Variants in PPARD observed in about 807,000 individuals in gnomAD.
PPARD encodes peroxisome proliferator-activated receptor delta.
Under a neutral mutation model 39.5 loss-of-function variants are expected in PPARD, and 6 were observed. The ratio of observed to expected loss-of-function variants is 0.15; its 90% CI spans 0.08 to 0.30. The LOEUF (loss-of-function observed/expected upper bound fraction) is 0.30, where lower values mean the gene tolerates loss of function less well. Ranked by LOEUF, PPARD falls within the 10% of genes least tolerant of loss-of-function variation. PPARD has a pLI of 1.00. For synonymous variants in PPARD, 210 were observed against 231.3 expected (o/e 0.91, Z 0.83); for missense variants, 397 against 596.8 (o/e 0.67, Z 3.49).
At position 35,347,056 on chromosome 6, in the gene PPARD, C is replaced by T. The variant is rs201724504; in HGVS notation, c.-185-11C>T. ...TCAGCTAAAGCTGTTGGGGTTTTTTCTATCCTGCAGTGTTGTACAGTGTTT... is the reference window on the plus strand; with the variant it reads ...TCAGCTAAAGCTGTTGGGGTTTTTTTTATCCTGCAGTGTTGTACAGTGTTT... On this transcript the variant is annotated splice_polypyrimidine_tract_variant and intron_variant, in intron 1 of 7. Transcript: ENST00000360694. 1 of 1,509,048 alleles carries T rather than the reference C, an allele frequency of 6.6e-7. No individual in the cohort carries two copies. Among genetic ancestry groups the T allele is most frequent in the Non-Finnish European group, 8.9e-7 (1 of 1,128,694 alleles). 93.5% of individuals were successfully genotyped at this position (1,509,048 alleles called of 1,614,324 possible).
chr6:35,397,536 A>C (rs201544279), intron 2 of PPARD: 12 of 985,330 alleles, frequency 1.2e-5, no homozygotes, highest in African/African-American at 5.2e-5. Flanking sequence ...AAGCAGGGTC[A>C]GATACCCCTG....
chr6:35,404,603 C>T (rs1415692452), intron 2 of PPARD, among the ~76,000 whole-genome samples: 1 of 152,222 alleles, frequency 6.6e-6, no homozygotes. Flanking sequence ...ACGAGGAGTA[C>T]GAGGCACTTG....
At position 35,425,172 on chromosome 6, in the gene PPARD, G is replaced by C. The variant is rs1766487949; in HGVS notation, c.1078+393G>C. The C allele has an allele frequency of 1.2e-6, 1 of 826,184 alleles. No homozygotes were observed. Among genetic ancestry groups the C allele is most frequent in the Non-Finnish European group, 1.5e-6 (1 of 665,428 alleles). 51.2% of individuals were successfully genotyped at this position (826,184 alleles called of 1,614,324 possible). A position where few individuals can be genotyped will look rare whatever the true frequency, so the allele number is the denominator to read the frequency against. On this transcript the variant is annotated intron_variant, in intron 7 of 7. Coordinates refer to ENST00000360694, the MANE Select transcript of PPARD (RefSeq NM_006238.5). This position sits in a 1 kb window ranked among gnomAD's most constrained non-coding sequence, Gnocchi z 4.5. ...GCCTGTAATCCCAGCTACTTGGGAG[G>C]CTGAGCCAGGAGAATCGCTTGAACC... is the stretch of plus-strand genomic sequence containing the variant.
At position 35,424,041 on chromosome 6, in the gene PPARD, G is replaced by A. The variant is rs1160583416; in HGVS notation, c.520G>A (p.Asp174Asn). 7 of 1,614,066 alleles carry A rather than the reference G, an allele frequency of 4.3e-6. No individual in the cohort carries two copies. The highest frequency in any genetic ancestry group is 1.7e-5 in the Admixed American group (1 of 60,004). The change falls in exon 6 of 8, where the codon GAC becomes AAC. Residue 174 changes from aspartate to asparagine, a missense_variant. Physicochemically the swap from Asp to Asn is conservative, Grantham distance 23 (BLOSUM62 1). Transcript: ENST00000360694. This position sits in a 1 kb window ranked among gnomAD's most constrained non-coding sequence, Gnocchi z 7.1. ...GAGCCAGTACAACCCACAGGTGGCCGACCTGAAGGCCTTCTCCAAGCACAT... is the reference window on the plus strand; with the variant it reads ...GAGCCAGTACAACCCACAGGTGGCCAACCTGAAGGCCTTCTCCAAGCACAT... The part of the protein sequence containing the change: ...EGSQYNPQVA[D>N]LKAFSKHIYN...
At chr6:35,380,294 C>T (rs977048500) in intron 2 of PPARD, among the ~76,000 whole-genome samples, 1 of 152,088 alleles carries the variant, frequency 6.6e-6, no homozygotes, top group African/African-American at 2.4e-5. Context: ...CTGCTGTCCT[C>T]ATGGTCCAAA....
intron 2 of PPARD, among the ~76,000 whole-genome samples, chr6:35,397,338 T>C (rs1237422310): frequency 6.6e-6 from 1 of 151,808 alleles, no homozygotes; most frequent in Admixed American, 6.6e-5. Flanking sequence ...AAGCCCCCCC[T>C]CCCGCAACCA....
intron 3 of PPARD, among the ~76,000 whole-genome samples, chr6:35,418,563 A>G (rs1354394157): frequency 1.3e-5 from 2 of 152,220 alleles, no homozygotes; most frequent in Non-Finnish European, 2.9e-5. Context: ...GCTTCCAACA[A>G]TGAACACACA....
intron 2 of PPARD, among the ~76,000 whole-genome samples, chr6:35,392,012 A>G (rs190261813): frequency 1.3e-5 from 2 of 152,110 alleles, no homozygotes; most frequent in Non-Finnish European, 2.9e-5. Flanking sequence ...CAAGCAGAAG[A>G]GCACCAAGCC....
At chr6:35,348,652 G>A in intron 2 of PPARD, 2 of 985,410 alleles carry the variant, frequency 2.0e-6, no homozygotes, top group South Asian at 4.7e-5. Context: ...AGGTTTTCCT[G>A]TTGTCAGACA....
At chr6:35,357,918 C>G (rs1761714329) in intron 2 of PPARD, among the ~76,000 whole-genome samples, 2 of 152,182 alleles carry the variant, frequency 1.3e-5, no homozygotes, top group Non-Finnish European at 1.5e-5. Context: ...TAATCTGACA[C>G]TTCTTTCATG....
At chr6:35,398,056 G>A (rs1488177868) in intron 2 of PPARD, among the ~76,000 whole-genome samples, 1 of 152,190 alleles carries the variant, frequency 6.6e-6, no homozygotes, top group Non-Finnish European at 1.5e-5. Context: ...CAGAAGGAGT[G>A]GAGCAGGCAG....
At chr6:35,352,590 G>A (rs932612542) in intron 2 of PPARD, among the ~76,000 whole-genome samples, 1 of 152,168 alleles carries the variant, frequency 6.6e-6, no homozygotes, top group Non-Finnish European at 1.5e-5. Flanking sequence ...TGTCTTTCAT[G>A]GTTCTGTGGA....
intron 2 of PPARD, among the ~76,000 whole-genome samples, chr6:35,384,578 C>T (rs1763454368): frequency 6.3e-5 from 6 of 95,734 alleles, no homozygotes; most frequent in Non-Finnish European, 1.0e-4. Flanking sequence ...AGGAGCCCCT[C>T]TGCCCGGCCA....
rs539098302 is a variant in PPARD at position 35,405,929 on chromosome 6, C to CT, written c.-101-5048dup. Among the ~76,000 whole-genome samples the CT allele has an allele frequency of 7.0e-4, 100 of 142,334 alleles. 1 individual carries two copies. The East Asian group carries it at 9.0e-3, about 13-fold the overall frequency. 93.4% of individuals were successfully genotyped at this position (142,334 alleles called of 152,430 possible). ...ACAGGCATGAACCACCGCACCTGGA[C>CT]TTTTTTTTTTGTTTTTGAGACAGGG... is the stretch of plus-strand genomic sequence containing the variant. On this transcript the variant is annotated intron_variant, in intron 2 of 7. Transcript: ENST00000360694.
At chr6:35,353,058 G>A (rs1761357582) in intron 2 of PPARD, among the ~76,000 whole-genome samples, 1 of 152,024 alleles carries the variant, frequency 6.6e-6, no homozygotes, top group Admixed American at 6.6e-5. Context: ...GAGGTAATGT[G>A]GTCTTGATAC....
intron 3 of PPARD, among the ~76,000 whole-genome samples, chr6:35,416,586 G>A (rs1001728181): frequency 1.3e-5 from 2 of 152,204 alleles, no homozygotes; most frequent in Non-Finnish European, 1.5e-5. Context: ...TTGTTTTGAG[G>A]TTTTACGTGA....
Position 35,424,576 on chromosome 6 carries a change from C to G in PPARD, c.875C>G (p.Ala292Gly). ...TATGGCGTGCACGAGGCCATCTTCG[C>G]CATGCTGGCCTCTATCGTCAACAAG... ...LKYGVHEAIFAMLASIVNKDG... is the reference protein window; with the variant it reads ...LKYGVHEAIFGMLASIVNKDG... The change falls in exon 7 of 8, where the codon GCC (alanine) becomes GGC (glycine). Residue 292 changes from alanine to glycine, a missense_variant. By Grantham distance (60) the Ala-to-Gly change is moderately conservative. Transcript: ENST00000360694. The surrounding 1 kb of genome is among the most constrained non-coding windows in gnomAD (Gnocchi z 7.1). The G allele has an allele frequency of 6.2e-7, 1 of 1,614,264 alleles. No homozygotes were observed. Among genetic ancestry groups the G allele is most frequent in the Non-Finnish European group, 8.5e-7 (1 of 1,180,046 alleles).
intron 2 of PPARD, 74 bp from the exon 3 acceptor site, chr6:35,410,913 G>A (rs1765381106): frequency 8.0e-7 from 1 of 1,251,228 alleles, no homozygotes; most frequent in South Asian, 3.7e-5. Context: ...CAGCCCCCAA[G>A]CGTGCCCCAC....
chr6:35,376,091 C>T (rs1453604916), intron 2 of PPARD, among the ~76,000 whole-genome samples: 2 of 152,102 alleles, frequency 1.3e-5, no homozygotes, highest in Non-Finnish European at 2.9e-5. Flanking sequence ...TCTGAGGACT[C>T]ATTTATAAAA....
Sources: allele counts gnomAD v4.1 joint callset (sites outside exome capture counted in the v4.1 genomes callset), GRCh38; gene constraint gnomAD v4.1.1; non-coding constraint Gnocchi (gnomAD v3.1); transcripts MANE v1.5; gene names NCBI Gene and HGNC (gene_info 2026-07-23, HGNC 2026-07-21).